Variants in ADAMTS17 observed in about 807,000 individuals in gnomAD.
The protein encoded by ADAMTS17 is ADAM metallopeptidase with thrombospondin type 1 motif 17.
Under a neutral mutation model 141.5 loss-of-function variants are expected in ADAMTS17, and 113 were observed. The ratio of observed to expected loss-of-function variants is 0.80; its 90% CI spans 0.69 to 0.93. ADAMTS17 has a LOEUF of 0.93. ADAMTS17 is among the 40% of genes least tolerant of loss of function. ADAMTS17 has a pLI of 0.00. For missense variants in ADAMTS17, 1,659 were observed against 1,517.9 expected (o/e 1.09, Z -1.54); for synonymous variants, 768 against 630.6 (o/e 1.22, Z -3.27).
intron 8 of ADAMTS17, among the ~76,000 whole-genome samples, chr15:100,191,966 C>A (rs141732005): frequency 6.6e-6 from 1 of 152,152 alleles, no homozygotes; most frequent in Non-Finnish European, 1.5e-5. Flanking sequence ...ATGTGACTTA[C>A]GCATTGCATG....
chr15:100,082,612 T>A, intron 15 of ADAMTS17, among the ~76,000 whole-genome samples: 1 of 152,032 alleles, frequency 6.6e-6, no homozygotes, highest in Non-Finnish European at 1.5e-5. Flanking sequence ...GGTCTGATAG[T>A]CATATTTTTA....
In ADAMTS17 at chr15:100,094,921, A is replaced by C. The variant is rs114465681; in HGVS notation, c.2137+1435T>G. ...GCAACGCTCTGGAGCTGTGCTGTCC[A>C]ATAGAACCTTCTGGAATGCTGGGAA... On this transcript the variant is annotated intron_variant, in intron 15 of 21. Coordinates refer to ENST00000268070, the MANE Select transcript of ADAMTS17 (RefSeq NM_139057.4). Among the ~76,000 whole-genome samples, 7 of 152,338 alleles carry C rather than the reference A, an allele frequency of 4.6e-5. No homozygotes were observed. The South Asian group carries it at 1.4e-3, about 32-fold the overall frequency.
intron 18 of ADAMTS17, among the ~76,000 whole-genome samples, chr15:100,038,688 CTTGT>C (rs1263696437): frequency 1.3e-5 from 2 of 151,910 alleles, no homozygotes; most frequent in Admixed American, 6.6e-5. Context: ...ACATCCAGAC[CTTGT>C]TTATTAGTTC....
At chr15:100,192,376 C>T (rs1648618779) in intron 8 of ADAMTS17, among the ~76,000 whole-genome samples, 1 of 152,236 alleles carries the variant, frequency 6.6e-6, no homozygotes, top group Admixed American at 6.5e-5. Context: ...CCATCCCTTC[C>T]TGGGGGGAGG....
At chr15:100,008,389 T>C (rs1439639540) in intron 18 of ADAMTS17, among the ~76,000 whole-genome samples, 1 of 152,102 alleles carries the variant, frequency 6.6e-6, no homozygotes, top group Non-Finnish European at 1.5e-5. Flanking sequence ...TGCAGACACA[T>C]GGGAATGGGA....
chr15:100,217,157 G>T (rs2041994321), intron 7 of ADAMTS17, among the ~76,000 whole-genome samples: 1 of 152,120 alleles, frequency 6.6e-6, no homozygotes, highest in South Asian at 2.1e-4. Flanking sequence ...TAAAATACCT[G>T]TGTTTCCCAC....
intron 15 of ADAMTS17, among the ~76,000 whole-genome samples, chr15:100,075,097 T>C (rs1170531098): frequency 6.6e-6 from 1 of 152,170 alleles, no homozygotes; most frequent in African/African-American, 2.4e-5. Context: ...GTGTAACTTA[T>C]GAGATGCAAT....
intron 15 of ADAMTS17, among the ~76,000 whole-genome samples, chr15:100,081,163 G>T (rs923714207): frequency 1.3e-5 from 2 of 152,188 alleles, no homozygotes; most frequent in African/African-American, 4.8e-5. Flanking sequence ...AGAAAAACAT[G>T]AAAAGGAGAG....
intron 7 of ADAMTS17, among the ~76,000 whole-genome samples, chr15:100,202,206 C>T (rs2041361309): frequency 6.6e-6 from 1 of 152,220 alleles, no homozygotes; most frequent in South Asian, 2.1e-4. Context: ...GAGAAGGCAG[C>T]CCTGACTTTC....
intron 15 of ADAMTS17, among the ~76,000 whole-genome samples, chr15:100,094,648 G>A (rs868735149): frequency 6.6e-6 from 1 of 152,258 alleles, no homozygotes; most frequent in Middle Eastern, 3.4e-3. Flanking sequence ...ACAGAATCAC[G>A]CACTTGTAGT....
rs148665497 is a variant in ADAMTS17, at chr15:100,051,589, C to A, written c.2438G>T (p.Ser813Ile). Residue 813 changes from serine (S) to isoleucine (I), a missense_variant, in exon 17 of 22, where the codon AGT (serine) becomes ATT (isoleucine). By Grantham distance (142) the Ser-to-Ile change is moderately radical. Coordinates refer to ENST00000268070, the MANE Select transcript of ADAMTS17 (RefSeq NM_139057.4). ...IWTHSGWEGC[S>I]VQCGGGERRT... ...CCACTCACCTCCGCCGCACTGCACA[C>A]TGCACCCTTCCCAGCCGCTGTGGGT... The A allele has an allele frequency of 1.2e-6, 2 of 1,613,950 alleles. No homozygotes were observed. Among genetic ancestry groups the A allele is most frequent in the African/African-American group, 1.3e-5 (1 of 75,054 alleles).
At chr15:100,267,524 TATA>T (rs1399527668) in intron 4 of ADAMTS17, among the ~76,000 whole-genome samples, 1 of 152,170 alleles carries the variant, frequency 6.6e-6, no homozygotes, top group African/African-American at 2.4e-5. Context: ...AATATATATT[TATA>T]ATGTCAACAT....
intron 10 of ADAMTS17, among the ~76,000 whole-genome samples, chr15:100,139,168 A>G (rs968141428): frequency 2.0e-5 from 3 of 152,202 alleles, no homozygotes; most frequent in South Asian, 2.1e-4. Flanking sequence ...ACAATACAAG[A>G]AAAAGGGGAG....
chr15:100,051,620 T>G lies in ADAMTS17; in HGVS notation c.2407A>C (p.Ile803Leu), dbSNP rs542494259. The stretch of plus-strand genomic sequence containing the variant: ...CCTTCCCAGCCGCTGTGGGTCCAGA[T>G]GAACAAAGAGTCCTGCGGTTTTTCT... ...EPEKPQDSLF[I>L]WTHSGWEGCS... The change falls in exon 17 of 22, where the codon ATC (isoleucine) becomes CTC (leucine). Residue 803 changes from isoleucine to leucine, a missense_variant. Ile to Leu is a conservative substitution (Grantham distance 5, BLOSUM62 2). Transcript: ENST00000268070. The G allele has an allele frequency of 5.7e-5, 92 of 1,614,180 alleles. 2 individuals carry two copies. In the South Asian group the frequency reaches 9.9e-4, roughly 17 times the overall value.
intron 6 of ADAMTS17, 119 bp from the exon 7 acceptor site, chr15:100,254,298 G>T: frequency 1.1e-6 from 1 of 909,910 alleles, no homozygotes; most frequent in Non-Finnish European, 1.7e-6. Context: ...GTGGACACAG[G>T]CCACAGCGAA....
chr15:100,158,771 T>A lies in ADAMTS17; in HGVS notation c.1182-3451A>T, dbSNP rs189331261. 5.3e-5 allele frequency among the ~76,000 whole-genome samples: 8 copies of A among 152,188 alleles called. No homozygotes were observed. The East Asian group carries it at 1.5e-3, about 29-fold the overall frequency. ...TATATATGAAGCTCCTACAACTCAA[T>A]AGCAAAAAAACTAACAACCCAGTTA... On this transcript the variant is annotated intron_variant, in intron 8 of 21. Coordinates refer to ENST00000268070, the MANE Select transcript of ADAMTS17 (RefSeq NM_139057.4).
At chr15:100,018,890 C>T (rs1404245284) in intron 18 of ADAMTS17, among the ~76,000 whole-genome samples, 1 of 152,156 alleles carries the variant, frequency 6.6e-6, no homozygotes, top group Non-Finnish European at 1.5e-5. Flanking sequence ...TGTTCTCACA[C>T]GGTACTGGTG....
At chr15:100,135,600 T>C (rs1037008738) in intron 10 of ADAMTS17, among the ~76,000 whole-genome samples, 8 of 152,134 alleles carry the variant, frequency 5.3e-5, no homozygotes, top group African/African-American at 1.9e-4. Context: ...ACAACTTCTG[T>C]TTACCAAAAG....
rs34003703 is a variant in ADAMTS17 at position 100,116,132 on chromosome 15, T to TAAAA, written c.1888+711_1888+714dup. Among the ~76,000 whole-genome samples, 51 of 84,784 alleles carry TAAAA rather than the reference T, an allele frequency of 6.0e-4. 1 individual carries two copies. Among genetic ancestry groups the TAAAA allele is most frequent in the African/African-American group, 1.7e-3 (36 of 21,292 alleles). The allele number at this position is 84,784 out of a possible 152,430, so 55.6% of individuals were successfully genotyped here. On this transcript the variant is annotated intron_variant, in intron 13 of 21. Transcript: ENST00000268070. ...TTTCCTAAAGAAGAACAGTTTTAGG[T>TAAAA]AAAAAAAAAAAAAAAAAAAAAAAAA...
Sources: gnomAD v4.1 joint callset for allele counts (sites outside exome capture counted in the v4.1 genomes callset) on GRCh38, gnomAD v4.1.1 for gene constraint, MANE v1.5 for transcripts, NCBI Gene and HGNC (gene_info 2026-07-23, HGNC 2026-07-21) for gene names.